The following CPQ variants were observed in gnomAD, a reference collection of about 807,000 sequenced individuals.
CPQ encodes carboxypeptidase Q, also known as Ser-Met dipeptidase.
Under a neutral mutation model 45.7 loss-of-function variants are expected in CPQ, and 37 were observed. The ratio of observed to expected loss-of-function variants is 0.81; its 90% CI spans 0.62 to 1.07. CPQ has a LOEUF of 1.07. Ranked by LOEUF, CPQ falls within the 50% of genes least tolerant of loss-of-function variation. The pLI, the probability that CPQ is intolerant of heterozygous loss-of-function variation, is 0.00. For missense variants in CPQ, 537 were observed against 572.9 expected (o/e 0.94, Z 0.64); for synonymous variants, 186 against 205.8 (o/e 0.90, Z 0.82).
intron 6 of CPQ, among the ~76,000 whole-genome samples, chr8:97,050,828 A>G (rs1457179295): frequency 6.6e-6 from 1 of 152,218 alleles, no homozygotes; most frequent in South Asian, 2.1e-4. Context: ...CCTGGCCTAC[A>G]TAGCAACTTA....
chr8:96,714,842 A>T (rs113789531), intron 1 of CPQ, among the ~76,000 whole-genome samples: 1 of 151,692 alleles, frequency 6.6e-6, no homozygotes, highest in Non-Finnish European at 1.5e-5. Context: ...ATGCGACTTT[A>T]GTATTTACAG....
chr8:96,854,059 G>A lies in CPQ; in HGVS notation c.641+18879G>A, dbSNP rs1586427012. ...ATTTTTAACATGTTTAAATTTCTGG[G>A]TTTTGTGGACACATCACATTAGCAG... On this transcript the variant is annotated intron_variant, in intron 3 of 7. Transcript: ENST00000220763. 2.6e-5 allele frequency among the ~76,000 whole-genome samples: 4 copies of A among 152,208 alleles called. No individual in the cohort carries two copies. In the East Asian group the frequency reaches 5.8e-4, roughly 22 times the overall value.
intron 7 of CPQ, among the ~76,000 whole-genome samples, chr8:97,066,914 G>GTTT (rs1260188495): frequency 9.4e-6 from 1 of 106,048 alleles, no homozygotes; most frequent in African/African-American, 3.9e-5. Flanking sequence ...AGCTGGAACA[G>GTTT]TCTTTTTTTT....
chr8:96,974,787 G>A (rs1813747040), intron 5 of CPQ, among the ~76,000 whole-genome samples: 1 of 152,054 alleles, frequency 6.6e-6, no homozygotes, highest in Admixed American at 6.6e-5. Flanking sequence ...ATGAAATCAA[G>A]ATGGAAATTT....
chr8:97,137,978 C>T (rs2130630519), intron 7 of CPQ, among the ~76,000 whole-genome samples: 1 of 152,242 alleles, frequency 6.6e-6, no homozygotes, highest in East Asian at 1.9e-4. Flanking sequence ...GGCCCTGGTC[C>T]CTCTCACTTC....
chr8:96,820,000 C>G (rs2130835942), intron 2 of CPQ, among the ~76,000 whole-genome samples: 1 of 152,180 alleles, frequency 6.6e-6, no homozygotes, highest in South Asian at 2.1e-4. Flanking sequence ...ATATTTTAGT[C>G]AGAATTGCAT....
chr8:96,905,502 A>G (rs757972125), intron 4 of CPQ, among the ~76,000 whole-genome samples: 1 of 152,156 alleles, frequency 6.6e-6, no homozygotes, highest in African/African-American at 2.4e-5. Context: ...TTATAGCATT[A>G]CAGCTGGTGC....
intron 1 of CPQ, among the ~76,000 whole-genome samples, chr8:96,780,726 T>A (rs1810675081): frequency 6.6e-6 from 1 of 150,978 alleles, no homozygotes; most frequent in African/African-American, 2.4e-5. Flanking sequence ...TTTTTTTTTT[T>A]AGGGACTGGA....
chr8:97,031,893 T>A (rs556228304), intron 6 of CPQ, among the ~76,000 whole-genome samples: 4 of 152,222 alleles, frequency 2.6e-5, no homozygotes, highest in African/African-American at 9.6e-5. Flanking sequence ...ACATTGTGCA[T>A]GCTTTACATG....
At chr8:96,654,287 C>T (rs1224096441) in intron 1 of CPQ, among the ~76,000 whole-genome samples, 2 of 152,206 alleles carry the variant, frequency 1.3e-5, no homozygotes, top group East Asian at 3.9e-4. Context: ...CAATCGCTTT[C>T]ATTATTTCCT....
intron 4 of CPQ, among the ~76,000 whole-genome samples, chr8:96,880,837 T>G (rs2130882042): frequency 6.6e-6 from 1 of 152,056 alleles, no homozygotes; most frequent in East Asian, 1.9e-4. Context: ...TACATTACTC[T>G]TTGGGTGACG....
chr8:97,137,975 G>C (rs772381928), intron 7 of CPQ, among the ~76,000 whole-genome samples: 1 of 152,026 alleles, frequency 6.6e-6, no homozygotes, highest in Non-Finnish European at 1.5e-5. Flanking sequence ...TCTGGCCCTG[G>C]TCCCTCTCAC....
chr8:96,680,685 A>C (rs1809138963), intron 1 of CPQ: 1 of 152,606 alleles, frequency 6.6e-6, no homozygotes, highest in Admixed American at 6.5e-5. Flanking sequence ...AAAATGTGGA[A>C]GTGGCTTTGG....
Position 96,740,536 on chromosome 8 carries a change from A to G in CPQ, c.-34-44328A>G, listed in dbSNP as rs111899865. Among the ~76,000 whole-genome samples, 303 of 150,342 alleles carry G rather than the reference A, an allele frequency of 2.0e-3. 3 individuals are homozygous for G. The highest frequency in any genetic ancestry group is 5.6e-3 in the African/African-American group (226 of 40,510). On this transcript the variant is annotated intron_variant, in intron 1 of 7. Transcript: ENST00000220763. ...TGGTGAGAGAGGGCATCCCTGTCTT[A>G]TGCCAGTTTTCAAAGGGAATGCTTC...
At chr8:97,060,383 C>A (rs868162779) in intron 6 of CPQ, among the ~76,000 whole-genome samples, 1 of 152,086 alleles carries the variant, frequency 6.6e-6, no homozygotes, top group South Asian at 2.1e-4. Flanking sequence ...TAGCACAAGA[C>A]AATTATGAAT....
intron 1 of CPQ, among the ~76,000 whole-genome samples, chr8:96,715,458 G>T (rs1190142253): frequency 6.6e-6 from 1 of 152,178 alleles, no homozygotes; most frequent in African/African-American, 2.4e-5. Context: ...AACCTGGAGG[G>T]CACTCCTCCT....
At chr8:96,971,180 T>C (rs1247768976) in intron 5 of CPQ, among the ~76,000 whole-genome samples, 3 of 152,200 alleles carry the variant, frequency 2.0e-5, no homozygotes, top group African/African-American at 7.2e-5. Context: ...TAGCCTTGGA[T>C]TTGTTTTCAT....
intron 7 of CPQ, among the ~76,000 whole-genome samples, chr8:97,125,949 T>C (rs1811839580): frequency 6.6e-6 from 1 of 152,120 alleles, no homozygotes; most frequent in Admixed American, 6.6e-5. Context: ...AACAACAGAA[T>C]TGTGTACTGT....
At chr8:96,966,338 T>C (rs1048033769) in intron 5 of CPQ, among the ~76,000 whole-genome samples, 18 of 152,180 alleles carry the variant, frequency 1.2e-4, no homozygotes, top group Admixed American at 2.6e-4. Flanking sequence ...GAAAATATGA[T>C]GAAATGCAAA....
Sources: allele counts gnomAD v4.1 joint callset (sites outside exome capture counted in the v4.1 genomes callset), GRCh38; gene constraint gnomAD v4.1.1; transcripts MANE v1.5; gene names NCBI Gene and HGNC (gene_info 2026-07-23, HGNC 2026-07-21).